NR2C2: variants seen among roughly 807,000 people sequenced by gnomAD.
NR2C2 encodes the protein nuclear receptor subfamily 2 group C member 2.
A neutral mutation model predicts 62.9 loss-of-function variants in NR2C2; 6 were observed. The observed-to-expected ratio is 0.10, with a 90% CI of 0.05 to 0.19. The LOEUF (loss-of-function observed/expected upper bound fraction) is 0.19, where lower values mean the gene tolerates loss of function less well. NR2C2 is among the 10% of genes least tolerant of loss of function. NR2C2 has a pLI of 1.00. For missense variants in NR2C2, 479 were observed against 762.7 expected (o/e 0.63, Z 4.38); for synonymous variants, 272 against 273.8 (o/e 0.99, Z 0.07).
intron 4 of NR2C2, among the ~76,000 whole-genome samples, chr3:15,018,488 C>T (rs545291554): frequency 2.1e-4 from 32 of 152,170 alleles, no homozygotes; most frequent in African/African-American, 7.5e-4. Context: ...TTCAAATGGC[C>T]GAGTTATATG....
In NR2C2 at chr3:15,003,860, C is replaced by T. The variant is rs2041090565; in HGVS notation, c.-39-16C>T. 1 of 1,559,120 alleles carries T rather than the reference C, an allele frequency of 6.4e-7. No homozygotes were observed. The highest frequency in any genetic ancestry group is 8.8e-7 in the Non-Finnish European group (1 of 1,130,664). ...TTCTGAACCCCCTTGTGATCCAGCC[C>T]ACTTCTCACCCACAGGTAACACGTA... On this transcript the variant is annotated splice_polypyrimidine_tract_variant and intron_variant, in intron 1 of 13. Coordinates refer to ENST00000425241, the MANE Select transcript of NR2C2 (RefSeq NM_001291694.2).
At chr3:14,971,613 G>A (rs2040041986) in intron 1 of NR2C2, among the ~76,000 whole-genome samples, 1 of 151,518 alleles carries the variant, frequency 6.6e-6, no homozygotes, top group African/African-American at 2.4e-5. Context: ...CAGTGCACAA[G>A]GGTTCTAGTT....
chr3:15,010,834 C>A lies in NR2C2; in HGVS notation c.73-2755C>A, dbSNP rs565213566. Among the ~76,000 whole-genome samples the A allele has an allele frequency of 2.6e-5, 4 of 152,246 alleles. No homozygotes were observed. In the East Asian group the frequency reaches 7.7e-4, roughly 29 times the overall value. On this transcript the variant is annotated intron_variant, in intron 2 of 13. Coordinates refer to ENST00000425241, the MANE Select transcript of NR2C2 (RefSeq NM_001291694.2). ...ATACCCTGACCTCATACTTGCCATACCTCAACCACAATGACTGGAGAAGAG... is the reference window on the plus strand; with the variant it reads ...ATACCCTGACCTCATACTTGCCATAACTCAACCACAATGACTGGAGAAGAG...
At chr3:15,011,140 C>T (rs764485157) in intron 2 of NR2C2, among the ~76,000 whole-genome samples, 2 of 152,172 alleles carry the variant, frequency 1.3e-5, no homozygotes, top group Middle Eastern at 3.4e-3. Flanking sequence ...TTTGAGGTCA[C>T]CTGGGCAACA....
intron 1 of NR2C2, among the ~76,000 whole-genome samples, chr3:14,974,352 G>T (rs181363815): frequency 3.9e-5 from 6 of 152,214 alleles, no homozygotes; most frequent in Non-Finnish European, 8.8e-5. Flanking sequence ...CTTTTTCAAG[G>T]TTGTTCTGGT....
intron 1 of NR2C2, among the ~76,000 whole-genome samples, chr3:14,972,191 C>A (rs890237723): frequency 3.7e-3 from 165 of 44,972 alleles, no homozygotes; most frequent in African/African-American, 0.013. Flanking sequence ...TTTTTTTTTT[C>A]TGAGACAGTG....
At chr3:14,988,152 C>CT (rs895105842) in intron 1 of NR2C2, among the ~76,000 whole-genome samples, 2 of 152,246 alleles carry the variant, frequency 1.3e-5, no homozygotes, top group Non-Finnish European at 2.9e-5. Context: ...AGCTCTGCAG[C>CT]TTGGAACAAC....
chr3:14,954,236 T>G (rs1481324411), intron 1 of NR2C2, among the ~76,000 whole-genome samples: 1 of 152,180 alleles, frequency 6.6e-6, no homozygotes, highest in Non-Finnish European at 1.5e-5. Flanking sequence ...TTAGACTGTG[T>G]TGTTGACTTA....
intron 12 of NR2C2, chr3:15,038,810 A>G (rs2042173410): frequency 4.1e-6 from 1 of 242,872 alleles, no homozygotes; most frequent in African/African-American, 2.2e-5. Context: ...ACAATTTGTA[A>G]TTTTATGTGA....
At position 15,046,988 on chromosome 3, in the gene NR2C2, G is replaced by A. The variant is rs2042477452; in HGVS notation, c.*3980G>A. 6.6e-6 allele frequency: 1 copy of A among 152,638 alleles called. No individual in the cohort carries two copies. The highest frequency in any genetic ancestry group is 2.4e-5 in the African/African-American group (1 of 41,442). The allele number at this position is 152,638 out of a possible 1,614,324, so 9.5% of individuals were successfully genotyped here. A position where few individuals can be genotyped will look rare whatever the true frequency, so the allele number is the denominator to read the frequency against. ...CCTCCCACCAGCGTGCACTTCGTATGTCCAGCCCTGGGTCCCTTCAGCAGC... is the reference window on the plus strand; with the variant it reads ...CCTCCCACCAGCGTGCACTTCGTATATCCAGCCCTGGGTCCCTTCAGCAGC... On this transcript the variant is annotated 3_prime_UTR_variant, in exon 14 of 14. Coordinates refer to ENST00000425241, the MANE Select transcript of NR2C2 (RefSeq NM_001291694.2).
intron 1 of NR2C2, among the ~76,000 whole-genome samples, chr3:14,957,641 A>T (rs2039564660): frequency 6.6e-6 from 1 of 152,176 alleles, no homozygotes. Flanking sequence ...GATATGAAAT[A>T]GTTTTTATAT....
At chr3:14,983,769 G>A (rs1269063936) in intron 1 of NR2C2, among the ~76,000 whole-genome samples, 1 of 152,118 alleles carries the variant, frequency 6.6e-6, no homozygotes, top group African/African-American at 2.4e-5. Context: ...TTTTTTAGTT[G>A]TGATTGACTC....
At chr3:14,966,506 G>A (rs182704438) in intron 1 of NR2C2, among the ~76,000 whole-genome samples, 44 of 152,324 alleles carry the variant, frequency 2.9e-4, no homozygotes, top group Non-Finnish European at 1.0e-4. Flanking sequence ...AGGATCACTT[G>A]ATCCCAGGAG....
intron 1 of NR2C2, among the ~76,000 whole-genome samples, chr3:14,956,698 T>C (rs2039536075): frequency 1.3e-5 from 2 of 152,208 alleles, no homozygotes; most frequent in Non-Finnish European, 2.9e-5. Context: ...TATGCCACCA[T>C]GCCTGGCTGA....
Position 15,034,819 on chromosome 3 carries a change from A to G in NR2C2, c.1372+10A>G. Reference sequence around the variant, plus strand: ...AACAGCATCCAGGAAGGTAGGGCACAGGGACTTGGGGCTGGGGTGTGTCTT... The same window carrying G: ...AACAGCATCCAGGAAGGTAGGGCACGGGGACTTGGGGCTGGGGTGTGTCTT... On this transcript the variant is annotated intron_variant, in intron 11 of 13. Coordinates refer to ENST00000425241, the MANE Select transcript of NR2C2 (RefSeq NM_001291694.2). 1 of 1,607,668 alleles carries G rather than the reference A, an allele frequency of 6.2e-7. No individual in the cohort carries two copies. Among genetic ancestry groups the G allele is most frequent in the South Asian group, 1.1e-5 (1 of 89,902 alleles).
At chr3:14,980,147 G>A (rs2040323751) in intron 1 of NR2C2, among the ~76,000 whole-genome samples, 1 of 151,702 alleles carries the variant, frequency 6.6e-6, no homozygotes, top group Admixed American at 6.6e-5. Context: ...CTCTTTTCCG[G>A]CATTGGGGTT....
At chr3:14,968,016 A>G (rs2039910236) in intron 1 of NR2C2, among the ~76,000 whole-genome samples, 1 of 152,190 alleles carries the variant, frequency 6.6e-6, no homozygotes, top group Non-Finnish European at 1.5e-5. Flanking sequence ...TAAATGTTAG[A>G]CCTAAAACCA....
chr3:15,016,077 T>TA, intron 3 of NR2C2, 75 bp from the exon 4 acceptor site: 1 of 1,143,152 alleles, frequency 8.7e-7, no homozygotes, highest in Non-Finnish European at 1.3e-6. Context: ...GCTGGGATTA[T>TA]AGACGTGAGC....
chr3:15,043,797 G>A lies in NR2C2; in HGVS notation c.*789G>A, dbSNP rs1317287416. The A allele has an allele frequency of 6.6e-6, 1 of 152,148 alleles. No individual in the cohort carries two copies. The highest frequency in any genetic ancestry group is 1.5e-5 in the Non-Finnish European group (1 of 68,040). The allele number at this position is 152,148 out of a possible 1,614,324, so 9.4% of individuals were successfully genotyped here. On this transcript the variant is annotated 3_prime_UTR_variant, in exon 14 of 14. Coordinates refer to ENST00000425241, the MANE Select transcript of NR2C2 (RefSeq NM_001291694.2). ...ATCTGCAGACTCCTCTAGAACCTGG[G>A]GTTCTCCTTTGATGACTGGTTATCT...
Sources: allele counts gnomAD v4.1 joint callset (sites outside exome capture counted in the v4.1 genomes callset), GRCh38; gene constraint gnomAD v4.1.1; transcripts MANE v1.5; gene names NCBI Gene and HGNC (gene_info 2026-07-23, HGNC 2026-07-21).